Variants in SYNJ2 observed in about 807,000 individuals in gnomAD.
SYNJ2 encodes polyphosphatidylinositol phosphatase SYNJ2.
Under a neutral mutation model 141.3 loss-of-function variants are expected in SYNJ2, and 116 were observed. The observed-to-expected ratio is 0.82, with a 90% CI of 0.71 to 0.96. The LOEUF (loss-of-function observed/expected upper bound fraction) is 0.96. SYNJ2 is among the 40% of genes least tolerant of loss of function. SYNJ2 has a pLI of 0.00. For missense variants in SYNJ2, 1,873 were observed against 1,934.8 expected (o/e 0.97, Z 0.60); for synonymous variants, 745 against 777.7 (o/e 0.96, Z 0.70).
In SYNJ2 at chr6:158,018,600, A is replaced by C. The variant is rs558079199; in HGVS notation, c.214+1310A>C. On this transcript the variant is annotated intron_variant, in intron 2 of 26. Coordinates refer to ENST00000355585, the MANE Select transcript of SYNJ2 (RefSeq NM_003898.4). ...TTTTTCCCTGAACTGTGACGATTAC[A>C]GTGATCATTTCCAAATAGCATTTAG... Among the ~76,000 whole-genome samples the C allele has an allele frequency of 6.6e-5, 10 of 152,366 alleles. No individual in the cohort carries two copies. In the South Asian group the frequency reaches 2.1e-3, roughly 32 times the overall value.
Position 158,083,710 on chromosome 6 carries a change from G to A in SYNJ2, c.3034+113G>A. Reference sequence around the variant, plus strand: ...CAGAAGTGACGGAGGACACCCGCAGGGCAAGCCCTCTGTCCCATGTGATGA... The same window carrying A: ...CAGAAGTGACGGAGGACACCCGCAGAGCAAGCCCTCTGTCCCATGTGATGA... On this transcript the variant is annotated intron_variant, in intron 21 of 26. Coordinates refer to ENST00000355585, the MANE Select transcript of SYNJ2 (RefSeq NM_003898.4). 2.9e-6 allele frequency: 4 copies of A among 1,390,392 alleles called. No homozygotes were observed. In the South Asian group the frequency reaches 3.8e-5, roughly 13 times the overall value. 86.1% of individuals were successfully genotyped at this position (1,390,392 alleles called of 1,614,324 possible).
Position 158,018,436 on chromosome 6 carries a change from C to T in SYNJ2, c.214+1146C>T, listed in dbSNP as rs182297781. Among the ~76,000 whole-genome samples the T allele has an allele frequency of 9.8e-5, 15 of 152,308 alleles. No individual in the cohort carries two copies. The East Asian group carries it at 2.9e-3, about 29-fold the overall frequency. ...AATGGCTGTATGGGTTGTCTGAATTCGGGCTTTCCCTGAGCCAAGCGCACA... is the reference window on the plus strand; with the variant it reads ...AATGGCTGTATGGGTTGTCTGAATTTGGGCTTTCCCTGAGCCAAGCGCACA... On this transcript the variant is annotated intron_variant, in intron 2 of 26. Transcript: ENST00000355585.
chr6:158,029,739 G>A (rs990025579), intron 3 of SYNJ2, among the ~76,000 whole-genome samples: 63 of 152,160 alleles, frequency 4.1e-4, no homozygotes, highest in African/African-American at 1.4e-3. Context: ...TACCGCTGAT[G>A]TTTATAAAGC....
At chr6:157,993,808 T>G (rs6910289) in intron 1 of SYNJ2, among the ~76,000 whole-genome samples, 1,908 of 44,918 alleles carry the variant, frequency 0.042, 18 homozygotes, top group African/African-American at 0.098. Flanking sequence ...TTTTTTTTTT[T>G]TTTTTTTTTT....
Position 158,064,705 on chromosome 6 carries a change from G to C in SYNJ2, c.1314G>C (p.Leu438=), listed in dbSNP as rs1195788328. 1 of 1,614,060 alleles carries C rather than the reference G, an allele frequency of 6.2e-7. No individual in the cohort carries two copies. Among genetic ancestry groups the C allele is most frequent in the Admixed American group, 1.7e-5 (1 of 60,032 alleles). The change falls in exon 10 of 27, where the codon CTG becomes CTC. Residue 438 remains leucine (L), a synonymous_variant. Coordinates refer to ENST00000355585, the MANE Select transcript of SYNJ2 (RefSeq NM_003898.4). ...TGTGGTCTCTGAATGGCCACAGCCT[G>C]AGCAAGGTGTTCACAGGCAGCAGAG... ...KAMWSLNGHS[L]SKVFTGSRAL...
intron 22 of SYNJ2, among the ~76,000 whole-genome samples, chr6:158,085,943 G>A (rs547900693): frequency 1.3e-5 from 2 of 152,256 alleles, no homozygotes; most frequent in East Asian, 1.9e-4. Context: ...CCTTTCTCTC[G>A]GGGGTGGCCG....
chr6:158,000,680 T>C (rs1777814081), intron 1 of SYNJ2, among the ~76,000 whole-genome samples: 1 of 152,090 alleles, frequency 6.6e-6, no homozygotes, highest in Admixed American at 6.5e-5. Flanking sequence ...CTTCTGGAAC[T>C]GTCTTCAGTA....
chr6:158,021,393 G>T (rs1778763128), intron 2 of SYNJ2, among the ~76,000 whole-genome samples: 1 of 152,228 alleles, frequency 6.6e-6, no homozygotes, highest in Non-Finnish European at 1.5e-5. Context: ...GTTCTCAGGA[G>T]GTCCACATGG....
rs1159983234 is a variant in SYNJ2, at chr6:158,050,926, G to A, written c.796-4041G>A. Among the ~76,000 whole-genome samples, 5 of 152,062 alleles carry A rather than the reference G, an allele frequency of 3.3e-5. No individual in the cohort carries two copies. In the South Asian group the frequency reaches 1.0e-3, roughly 32 times the overall value. ...TCCCATCCCTTTCCCACCTTTCCAT[G>A]ACACCCAATGGCATGTTGACTCGGA... On this transcript the variant is annotated intron_variant, in intron 5 of 26. Transcript: ENST00000355585.
chr6:158,063,228 C>A (rs975625899), intron 8 of SYNJ2, among the ~76,000 whole-genome samples: 5 of 152,120 alleles, frequency 3.3e-5, no homozygotes, highest in Non-Finnish European at 7.4e-5. Flanking sequence ...CTATAAATAA[C>A]AAGGACCAGC....
chr6:158,033,815 G>A, intron 4 of SYNJ2, 135 bp downstream of exon 4: 1 of 848,952 alleles, frequency 1.2e-6, no homozygotes, highest in Non-Finnish European at 1.8e-6. Context: ...TCCTATAAGT[G>A]GAGAACAGCA....
chr6:158,057,922 C>T (rs550142191), intron 6 of SYNJ2, among the ~76,000 whole-genome samples: 2 of 152,348 alleles, frequency 1.3e-5, no homozygotes, highest in Admixed American at 6.5e-5. Context: ...GAGACGGGAG[C>T]CCGGGAGGGT....
chr6:158,023,450 G>A (rs931949062), intron 2 of SYNJ2, among the ~76,000 whole-genome samples: 3 of 152,054 alleles, frequency 2.0e-5, no homozygotes, highest in African/African-American at 4.8e-5. Flanking sequence ...TCCACACAGC[G>A]GTCCTGAGGT....
At chr6:158,033,935 A>G (rs981844575) in intron 4 of SYNJ2, among the ~76,000 whole-genome samples, 24 of 152,250 alleles carry the variant, frequency 1.6e-4, no homozygotes, top group Non-Finnish European at 3.1e-4. Flanking sequence ...ATTTTTAACT[A>G]AACGGAATCA....
intron 1 of SYNJ2, among the ~76,000 whole-genome samples, chr6:158,007,101 G>T (rs1394329325): frequency 1.3e-5 from 2 of 152,094 alleles, no homozygotes; most frequent in Non-Finnish European, 2.9e-5. Context: ...AAGAAGCTGA[G>T]ACCACAAGTG....
At chr6:158,014,290 A>G (rs923667642) in intron 1 of SYNJ2, among the ~76,000 whole-genome samples, 7 of 152,226 alleles carry the variant, frequency 4.6e-5, no homozygotes, top group East Asian at 3.8e-4. Flanking sequence ...GATATTTTCA[A>G]CCTATCCTGG....
intron 1 of SYNJ2, among the ~76,000 whole-genome samples, chr6:158,016,208 G>A (rs1378392734): frequency 6.6e-6 from 1 of 152,168 alleles, no homozygotes; most frequent in Admixed American, 6.5e-5. Context: ...CCACCTCCTG[G>A]GTTCAAGCCA....
intron 6 of SYNJ2, among the ~76,000 whole-genome samples, chr6:158,058,687 G>T (rs1260514553): frequency 6.6e-6 from 1 of 152,350 alleles, no homozygotes; most frequent in East Asian, 1.9e-4. Flanking sequence ...AACACTTTGG[G>T]ACGCTGAGGT....
chr6:158,050,754 T>C (rs543685229), intron 5 of SYNJ2, among the ~76,000 whole-genome samples: 1 of 152,230 alleles, frequency 6.6e-6, no homozygotes, highest in Non-Finnish European at 1.5e-5. Context: ...CACTCTGCTT[T>C]GCTGCCTGTT....
Sources: allele counts gnomAD v4.1 joint callset (sites outside exome capture counted in the v4.1 genomes callset), GRCh38; gene constraint gnomAD v4.1.1; transcripts MANE v1.5; gene names NCBI Gene and HGNC (gene_info 2026-07-23, HGNC 2026-07-21).